Variants in CLASP2 observed in about 807,000 individuals in gnomAD.
CLASP2 encodes cytoplasmic linker associated protein 2.
A neutral mutation model predicts 194.4 loss-of-function variants in CLASP2; 47 were observed. That is an observed-to-expected ratio of 0.24 (90% CI 0.19 to 0.31). The LOEUF is 0.31. CLASP2 is among the 10% of genes least tolerant of loss of function. The pLI is 1.00. For missense variants in CLASP2, 1,445 were observed against 1,823.6 expected (o/e 0.79, Z 3.78); for synonymous variants, 619 against 633.5 (o/e 0.98, Z 0.34).
At chr3:33,586,920 G>A (rs188400262) in intron 21 of CLASP2, among the ~76,000 whole-genome samples, 4 of 152,190 alleles carry the variant, frequency 2.6e-5, no homozygotes, top group African/African-American at 7.2e-5. Flanking sequence ...GATCAAGAGG[G>A]GGGGTGCCTG....
intron 37 of CLASP2, among the ~76,000 whole-genome samples, chr3:33,505,623 C>G (rs528507371): frequency 1.3e-5 from 2 of 152,236 alleles, no homozygotes; most frequent in African/African-American, 4.8e-5. Context: ...CTGCTAAAAT[C>G]ATTAGGTGAA....
intron 13 of CLASP2, 118 bp from the exon 14 acceptor site, chr3:33,608,744 CTTTTTTT>C (rs766687478): frequency 5.2e-4 from 83 of 159,812 alleles, no homozygotes; most frequent in East Asian, 8.0e-4. Context: ...TTTTAGATAT[CTTTTTTT>C]TTTTTTTTTT....
At chr3:33,712,047 A>G (rs539382507) in intron 1 of CLASP2, among the ~76,000 whole-genome samples, 1 of 152,348 alleles carries the variant, frequency 6.6e-6, no homozygotes, top group African/African-American at 2.4e-5. Flanking sequence ...CATTATATAA[A>G]AAAGACACAG....
At chr3:33,630,200 C>T (rs1429901391) in intron 9 of CLASP2, among the ~76,000 whole-genome samples, 3 of 152,152 alleles carry the variant, frequency 2.0e-5, no homozygotes, top group Non-Finnish European at 4.4e-5. Context: ...TAATAGCTAA[C>T]ATATACTTCT....
At chr3:33,689,400 T>C (rs2091086653) in intron 3 of CLASP2, among the ~76,000 whole-genome samples, 1 of 151,978 alleles carries the variant, frequency 6.6e-6, no homozygotes, top group Admixed American at 6.6e-5. Context: ...AAAAAATTAG[T>C]TCTGAAATAT....
intron 23 of CLASP2, among the ~76,000 whole-genome samples, chr3:33,577,025 G>T (rs1216053221): frequency 6.8e-6 from 1 of 147,472 alleles, no homozygotes; most frequent in African/African-American, 2.5e-5. Flanking sequence ...GCTCAATACA[G>T]TTGCTAAAGG....
intron 13 of CLASP2, 105 bp downstream of exon 13, chr3:33,611,896 C>G: frequency 1.3e-6 from 1 of 764,718 alleles, no homozygotes; most frequent in Non-Finnish European, 2.1e-6. Context: ...TTATGGTTTT[C>G]TGGAAGGCAA....
At chr3:33,635,411 T>C (rs2079949194) in intron 8 of CLASP2, among the ~76,000 whole-genome samples, 1 of 152,194 alleles carries the variant, frequency 6.6e-6, no homozygotes, top group Non-Finnish European at 1.5e-5. Context: ...TTGTGGAACT[T>C]GTCAAGCGGA....
intron 21 of CLASP2, chr3:33,592,099 T>C (rs1157354891): frequency 6.2e-6 from 4 of 641,700 alleles, no homozygotes; most frequent in Non-Finnish European, 8.4e-6. Context: ...TTTTTCTTTG[T>C]AAGTGGCAGA....
At chr3:33,501,076 T>C (rs1417390398) in intron 38 of CLASP2, among the ~76,000 whole-genome samples, 1 of 152,124 alleles carries the variant, frequency 6.6e-6, no homozygotes, top group East Asian at 1.9e-4. Context: ...AAAGTACTGG[T>C]AGTAGCAATC....
chr3:33,606,047 G>T (rs928645201), intron 16 of CLASP2, among the ~76,000 whole-genome samples: 4 of 152,056 alleles, frequency 2.6e-5, no homozygotes, highest in African/African-American at 9.7e-5. Context: ...ATCTCATAGG[G>T]CTAGAGAGAC....
chr3:33,603,215 A>T (rs2072775180), intron 17 of CLASP2, 90 bp from the exon 18 acceptor site: 2 of 1,341,158 alleles, frequency 1.5e-6, no homozygotes, highest in South Asian at 1.6e-5. Context: ...AGCTAATCTG[A>T]TGACAAATGG....
intron 7 of CLASP2, 54 bp downstream of exon 7, chr3:33,663,391 C>G (rs2085625034): frequency 7.3e-7 from 1 of 1,373,980 alleles, no homozygotes; most frequent in Non-Finnish European, 1.0e-6. Context: ...CATTTTAGTG[C>G]CTAAAACTTT....
chr3:33,647,276 G>A (rs1480257897), intron 7 of CLASP2, among the ~76,000 whole-genome samples: 2 of 152,066 alleles, frequency 1.3e-5, no homozygotes, highest in Non-Finnish European at 2.9e-5. Context: ...ATAAGTCAAA[G>A]ATGCATAGTA....
Position 33,582,667 on chromosome 3 carries a change from C to T in CLASP2, c.2240-739G>A, listed in dbSNP as rs143765646. Among the ~76,000 whole-genome samples the T allele has an allele frequency of 3.3e-3, 500 of 152,086 alleles. 4 individuals carry two copies. The highest frequency in any genetic ancestry group is 0.01 in the African/African-American group (429 of 41,482). On this transcript the variant is annotated intron_variant, in intron 22 of 38. Transcript: ENST00000682230. ...AGTAAGACCCTGTCTCTAAAACAAA[C>T]AAAAACAAAAGAGGAAAAAATAAGC...
At chr3:33,701,802 T>C (rs2092393913) in intron 1 of CLASP2, among the ~76,000 whole-genome samples, 1 of 152,104 alleles carries the variant, frequency 6.6e-6, no homozygotes, top group African/African-American at 2.4e-5. Flanking sequence ...ATCACATCAT[T>C]TACAAAAATC....
intron 2 of CLASP2, among the ~76,000 whole-genome samples, chr3:33,693,126 C>T (rs1237819233): frequency 3.3e-5 from 5 of 151,598 alleles, no homozygotes; most frequent in Non-Finnish European, 7.4e-5. Context: ...TATATTTTTC[C>T]ACAATATATG....
At position 33,570,805 on chromosome 3, in the gene CLASP2, C is replaced by G. The variant is rs773937100; in HGVS notation, c.2700-15G>C. ...GTTCAACTCGACTGCCAAGATAATACAGCGGTTAATTAATATCTTGCTGTA... is the reference window on the plus strand; with the variant it reads ...GTTCAACTCGACTGCCAAGATAATAGAGCGGTTAATTAATATCTTGCTGTA... On this transcript the variant is annotated splice_polypyrimidine_tract_variant and intron_variant, in intron 25 of 38. Coordinates refer to ENST00000682230, the MANE Select transcript of CLASP2 (RefSeq NM_001365631.1). The G allele has an allele frequency of 6.4e-7, 1 of 1,564,588 alleles. No homozygotes were observed. The highest frequency in any genetic ancestry group is 1.2e-5 in the South Asian group (1 of 84,382).
chr3:33,569,144 AG>A (rs1385680891), intron 26 of CLASP2, among the ~76,000 whole-genome samples: 1 of 152,222 alleles, frequency 6.6e-6, no homozygotes, highest in Non-Finnish European at 1.5e-5. Flanking sequence ...ATGCAATCCT[AG>A]GGAAAATAGT....
Sources: gnomAD v4.1 joint callset for allele counts (sites outside exome capture counted in the v4.1 genomes callset) on GRCh38, gnomAD v4.1.1 for gene constraint, MANE v1.5 for transcripts, NCBI Gene and HGNC (gene_info 2026-07-23, HGNC 2026-07-21) for gene names.